ST18: variants seen among roughly 807,000 people sequenced by gnomAD.
ST18 encodes the protein suppression of tumorigenicity 18 protein.
In ST18, 50 loss-of-function variants were observed where a neutral mutation model predicts 110.0. The ratio of observed to expected loss-of-function variants is 0.45; its 90% confidence interval spans 0.36 to 0.58. The LOEUF (loss-of-function observed/expected upper bound fraction) is 0.58, where lower values mean the gene tolerates loss of function less well. Ranked by LOEUF, ST18 falls within the 20% of genes least tolerant of loss-of-function variation. The pLI is 0.00. For synonymous variants in ST18, 461 were observed against 452.4 expected, an observed-to-expected ratio of 1.02 and a Z score of -0.24; for missense variants, 1,306 against 1,280.1, an observed-to-expected ratio of 1.02 and a Z score of -0.31.
intron 2 of ST18, among the ~76,000 whole-genome samples, chr8:52,366,186 G>C (rs1827862820): frequency 6.6e-6 from 1 of 152,012 alleles, no homozygotes; most frequent in African/African-American, 2.4e-5. Flanking sequence ...TCAGCACTCA[G>C]GACACTAGCC....
intron 2 of ST18, among the ~76,000 whole-genome samples, chr8:52,239,528 G>A (rs572174044): frequency 1.3e-5 from 2 of 152,032 alleles, no homozygotes; most frequent in Non-Finnish European, 2.9e-5. Flanking sequence ...GAGAAGATGA[G>A]CCTAGATAAG....
chr8:52,163,962 G>T (rs2062134504), intron 13 of ST18, 24 bp downstream of exon 13: 1 of 1,580,844 alleles, frequency 6.3e-7, no homozygotes, highest in South Asian at 1.1e-5. Flanking sequence ...AGAGAGCACT[G>T]AGAACATCGT....
intron 24 of ST18, 88 bp from the exon 25 acceptor site, chr8:52,116,506 A>ATTT: frequency 7.5e-7 from 1 of 1,330,144 alleles, no homozygotes; most frequent in Non-Finnish European, 1.0e-6. Context: ...CACCAAGTGC[A>ATTT]TCTGAATACT....
intron 9 of ST18, among the ~76,000 whole-genome samples, chr8:52,179,612 T>C (rs1297231020): frequency 1.3e-5 from 2 of 152,142 alleles, no homozygotes; most frequent in Non-Finnish European, 1.5e-5. Flanking sequence ...ATGTTGTTAT[T>C]ACCAATTATA....
intron 2 of ST18, among the ~76,000 whole-genome samples, chr8:52,355,633 G>A (rs1822372342): frequency 2.0e-5 from 3 of 152,188 alleles, no homozygotes; most frequent in African/African-American, 4.8e-5. Context: ...ATGACAATGA[G>A]TGATAGGTGT....
intron 2 of ST18, among the ~76,000 whole-genome samples, chr8:52,358,776 CA>C (rs1343038370): frequency 1.3e-5 from 2 of 151,724 alleles, no homozygotes; most frequent in African/African-American, 4.8e-5. Flanking sequence ...TGAATTCTAC[CA>C]AACATTTAAA....
intron 2 of ST18, among the ~76,000 whole-genome samples, chr8:52,275,709 T>C (rs892955268): frequency 6.6e-6 from 1 of 152,094 alleles, no homozygotes; most frequent in South Asian, 2.1e-4. Flanking sequence ...TACCATTTTG[T>C]GAAGCCGATA....
chr8:52,350,246 GGTA>G (rs1819681952), intron 2 of ST18, among the ~76,000 whole-genome samples: 3 of 152,112 alleles, frequency 2.0e-5, no homozygotes, highest in African/African-American at 7.2e-5. Flanking sequence ...GCTCTTATTA[GGTA>G]TCCCAATCCT....
At chr8:52,165,694 C>T (rs1050173778) in intron 11 of ST18, among the ~76,000 whole-genome samples, 6 of 152,202 alleles carry the variant, frequency 3.9e-5, no homozygotes, top group African/African-American at 1.4e-4. Flanking sequence ...CATTTGGTTA[C>T]TGGGAGAAAA....
chr8:52,261,107 C>T (rs16917582), intron 2 of ST18, among the ~76,000 whole-genome samples: 8,594 of 152,182 alleles, frequency 0.056, 819 homozygotes, highest in African/African-American at 0.2. Context: ...GATGATATGC[C>T]GTGCTGATGC....
intron 16 of ST18, 27 bp downstream of exon 16, chr8:52,149,705 T>G: frequency 6.2e-7 from 1 of 1,606,796 alleles, no homozygotes; most frequent in Non-Finnish European, 8.5e-7. Flanking sequence ...TGTCTTCAAC[T>G]TATTGATTGA....
At chr8:52,187,043 TA>T (rs558397784) in intron 8 of ST18, among the ~76,000 whole-genome samples, 45 of 149,388 alleles carry the variant, frequency 3.0e-4, no homozygotes, top group Admixed American at 5.3e-4. Flanking sequence ...TAAGTTTACT[TA>T]AAAAAAAAAG....
intron 2 of ST18, among the ~76,000 whole-genome samples, chr8:52,339,721 C>G (rs188107651): frequency 6.6e-6 from 1 of 152,250 alleles, no homozygotes; most frequent in South Asian, 2.1e-4. Flanking sequence ...GGCCACTCCT[C>G]GTGGCCACAC....
At chr8:52,220,193 T>C (rs1247837276) in intron 5 of ST18, among the ~76,000 whole-genome samples, 1 of 152,222 alleles carries the variant, frequency 6.6e-6, no homozygotes, top group Non-Finnish European at 1.5e-5. Flanking sequence ...TTTTTCTTGC[T>C]GTTATTTTGA....
chr8:52,313,906 A>T lies in ST18; in HGVS notation c.-464-83829T>A, dbSNP rs143093139. On this transcript the variant is annotated intron_variant, in intron 2 of 25. Coordinates refer to ENST00000689386, the MANE Select transcript of ST18 (RefSeq NM_001352837.2). ...AGAGGTGCTGCTCCCCAAACATGGA[A>T]GGAAAAGTGGAGACCCTTGACAGGG... Among the ~76,000 whole-genome samples, 902 of 152,298 alleles carry T rather than the reference A, an allele frequency of 5.9e-3. 4 individuals carry two copies. The highest frequency in any genetic ancestry group is 0.021 in the African/African-American group (854 of 41,564).
chr8:52,120,902 G>T (rs1197397499), intron 23 of ST18, among the ~76,000 whole-genome samples: 3 of 152,124 alleles, frequency 2.0e-5, no homozygotes, highest in Non-Finnish European at 4.4e-5. Context: ...TGCAGGACTT[G>T]TGAGGGCTAG....
intron 2 of ST18, among the ~76,000 whole-genome samples, chr8:52,261,092 G>A (rs2094680033): frequency 6.6e-6 from 1 of 152,230 alleles, no homozygotes; most frequent in African/African-American, 2.4e-5. Context: ...GGGATTGGAG[G>A]TGAGGATGAT....
At chr8:52,211,071 T>C (rs1183043516) in intron 8 of ST18, among the ~76,000 whole-genome samples, 1 of 152,222 alleles carries the variant, frequency 6.6e-6, no homozygotes, top group Non-Finnish European at 1.5e-5. Context: ...TCCTAGGTTG[T>C]CAATAGCACA....
intron 16 of ST18, among the ~76,000 whole-genome samples, chr8:52,146,060 CA>C (rs1409285435): frequency 6.6e-6 from 1 of 152,130 alleles, no homozygotes; most frequent in Non-Finnish European, 1.5e-5. Flanking sequence ...AATAATCACT[CA>C]ATTTCTGGTT....
Sources: gnomAD v4.1 joint callset for allele counts (sites outside exome capture counted in the v4.1 genomes callset) on GRCh38, gnomAD v4.1.1 for gene constraint, MANE v1.5 for transcripts, NCBI Gene and HGNC (gene_info 2026-07-23, HGNC 2026-07-21) for gene names.